The following CLSTN2 variants were observed in gnomAD, a reference collection of about 807,000 sequenced individuals.
The protein encoded by CLSTN2 is calsyntenin 2, also known as calsyntenin-2.
A neutral mutation model predicts 101.2 loss-of-function variants in CLSTN2; 48 were observed. The observed-to-expected ratio is 0.47, with a 90% CI of 0.38 to 0.60. The LOEUF is 0.60. Ranked by LOEUF, CLSTN2 falls within the 20% of genes least tolerant of loss-of-function variation. The pLI is 0.00. For synonymous variants in CLSTN2, 481 were observed against 463.6 expected (o/e 1.04, Z -0.48); for missense variants, 1,160 against 1,238.2 (o/e 0.94, Z 0.95).
At chr3:140,412,780 G>A (rs139017497) in intron 4 of CLSTN2, among the ~76,000 whole-genome samples, 26 of 152,134 alleles carry the variant, frequency 1.7e-4, no homozygotes, top group African/African-American at 5.5e-4. Context: ...ATTAAATAAC[G>A]TGGTTCTGAA....
rs1347074996 is a variant in CLSTN2, at chr3:140,461,905, C to T, written c.1222+2136C>T. ...GATATTTCTCTAACTTTTCTGACAG[C>T]AAGAAAAAAATCTATAAATACCCCA... On this transcript the variant is annotated intron_variant, in intron 7 of 16. Coordinates refer to ENST00000458420, the MANE Select transcript of CLSTN2 (RefSeq NM_022131.3). 2.0e-5 allele frequency among the ~76,000 whole-genome samples: 3 copies of T among 149,608 alleles called. No individual in the cohort carries two copies. In the East Asian group the frequency reaches 5.9e-4, roughly 29 times the overall value.
intron 8 of CLSTN2, among the ~76,000 whole-genome samples, chr3:140,515,827 A>G (rs1336498333): frequency 6.6e-6 from 1 of 152,110 alleles, no homozygotes; most frequent in Non-Finnish European, 1.5e-5. Flanking sequence ...GATGAGTAGA[A>G]TGTTCTGTAA....
intron 8 of CLSTN2, among the ~76,000 whole-genome samples, chr3:140,504,520 C>T (rs1934646533): frequency 6.6e-6 from 1 of 152,126 alleles, no homozygotes; most frequent in African/African-American, 2.4e-5. Flanking sequence ...AAACAGAGTC[C>T]TGGACTCTGA....
intron 5 of CLSTN2, among the ~76,000 whole-genome samples, chr3:140,427,811 T>C (rs796643975): frequency 3.4e-4 from 52 of 152,266 alleles, no homozygotes; most frequent in African/African-American, 1.3e-3. Context: ...CATGAGTAAG[T>C]TCTTGAGTTG....
chr3:140,114,646 C>T (rs757853642), intron 1 of CLSTN2, among the ~76,000 whole-genome samples: 1 of 151,982 alleles, frequency 6.6e-6, no homozygotes, highest in Non-Finnish European at 1.5e-5. Flanking sequence ...GGCTACTGCA[C>T]ACTGAATCCA....
intron 1 of CLSTN2, among the ~76,000 whole-genome samples, chr3:140,119,306 G>T (rs960227343): frequency 2.6e-5 from 4 of 152,194 alleles, no homozygotes; most frequent in Admixed American, 1.3e-4. Flanking sequence ...GTTGTCTATA[G>T]CTCTGCACTT....
At chr3:140,073,816 C>T (rs2008437373) in intron 1 of CLSTN2, among the ~76,000 whole-genome samples, 1 of 152,254 alleles carries the variant, frequency 6.6e-6, no homozygotes, top group South Asian at 2.1e-4. Flanking sequence ...AAGAAAGTGA[C>T]TGGCAGTTCT....
intron 1 of CLSTN2, among the ~76,000 whole-genome samples, chr3:140,075,946 C>A (rs1330361682): frequency 2.0e-5 from 3 of 152,040 alleles, no homozygotes; most frequent in Non-Finnish European, 2.9e-5. Context: ...AAGAACACTT[C>A]ACATGAGGTC....
intron 1 of CLSTN2, among the ~76,000 whole-genome samples, chr3:140,104,406 G>A (rs1024148776): frequency 6.6e-5 from 10 of 152,194 alleles, no homozygotes; most frequent in East Asian, 1.9e-4. Flanking sequence ...AAGACCTAGG[G>A]TTCTTTGTTT....
intron 2 of CLSTN2, among the ~76,000 whole-genome samples, chr3:140,228,950 G>A (rs1364297754): frequency 1.3e-5 from 2 of 152,186 alleles, no homozygotes; most frequent in South Asian, 2.1e-4. Flanking sequence ...ATATCAGCTG[G>A]AGATTAAAGT....
At chr3:140,167,211 C>T (rs774057887) in intron 1 of CLSTN2, among the ~76,000 whole-genome samples, 6 of 152,210 alleles carry the variant, frequency 3.9e-5, no homozygotes, top group Non-Finnish European at 7.3e-5. Context: ...CTGTGGCTGG[C>T]CTTGCTCCTT....
intron 2 of CLSTN2, among the ~76,000 whole-genome samples, chr3:140,217,191 A>C (rs916375218): frequency 2.0e-5 from 3 of 152,184 alleles, no homozygotes; most frequent in Non-Finnish European, 4.4e-5. Flanking sequence ...GCTGTAGCTG[A>C]GGGTCGGTTA....
At chr3:140,546,973 A>G (rs978125080) in intron 10 of CLSTN2, among the ~76,000 whole-genome samples, 2 of 152,210 alleles carry the variant, frequency 1.3e-5, no homozygotes, top group African/African-American at 4.8e-5. Flanking sequence ...AAGTTGTTGT[A>G]TTTCATTTGT....
At chr3:140,131,287 A>C (rs140343483) in intron 1 of CLSTN2, among the ~76,000 whole-genome samples, 51 of 132,888 alleles carry the variant, frequency 3.8e-4, no homozygotes, top group Non-Finnish European at 6.5e-4. Context: ...AAGGTTGCAA[A>C]GAATGAGTTT....
chr3:139,949,491 A>G (rs1935259624), intron 1 of CLSTN2, among the ~76,000 whole-genome samples: 1 of 152,198 alleles, frequency 6.6e-6, no homozygotes, highest in South Asian at 2.1e-4. Context: ...TATTGCTGGC[A>G]TGAGCTGATA....
intron 2 of CLSTN2, among the ~76,000 whole-genome samples, chr3:140,291,170 T>C (rs930154681): frequency 6.6e-6 from 1 of 152,134 alleles, no homozygotes; most frequent in Non-Finnish European, 1.5e-5. Flanking sequence ...CATGGATCCA[T>C]GAATTCATGT....
chr3:140,112,653 G>A (rs2009175587), intron 1 of CLSTN2, among the ~76,000 whole-genome samples: 1 of 152,108 alleles, frequency 6.6e-6, no homozygotes, highest in East Asian at 1.9e-4. Flanking sequence ...TCTTATGGGT[G>A]CATGCAGTCC....
chr3:139,966,306 A>C (rs1486987431), intron 1 of CLSTN2, among the ~76,000 whole-genome samples: 1 of 152,220 alleles, frequency 6.6e-6, no homozygotes, highest in African/African-American at 2.4e-5. Context: ...CAGTAATTCC[A>C]GTCATATTAA....
intron 1 of CLSTN2, among the ~76,000 whole-genome samples, chr3:140,032,997 A>G (rs1464198871): frequency 6.6e-6 from 1 of 152,240 alleles, no homozygotes; most frequent in Non-Finnish European, 1.5e-5. Flanking sequence ...GACTATACCT[A>G]TGGACAGCCA....
Sources: allele counts gnomAD v4.1 joint callset (sites outside exome capture counted in the v4.1 genomes callset), GRCh38; gene constraint gnomAD v4.1.1; transcripts MANE v1.5; gene names NCBI Gene and HGNC (gene_info 2026-07-23, HGNC 2026-07-21).